CNTN5: variants seen among roughly 807,000 people sequenced by gnomAD.
The protein encoded by CNTN5 is contactin-5.
CNTN5 carries 77 observed loss-of-function variants against 129.1 expected under a neutral mutation model. That is an observed-to-expected ratio of 0.60 (90% CI 0.50 to 0.72). The LOEUF (loss-of-function observed/expected upper bound fraction) is 0.72. Among genes scored for constraint, CNTN5 ranks in the 30% least tolerant of loss-of-function variants. CNTN5 has a pLI of 0.00. For missense variants in CNTN5, 1,478 were observed against 1,328.8 expected (o/e 1.11, Z -1.75); for synonymous variants, 509 against 465.6 (o/e 1.09, Z -1.20).
At chr11:99,837,673 C>A (rs192366763) in intron 4 of CNTN5, among the ~76,000 whole-genome samples, 2 of 138,482 alleles carry the variant, frequency 1.4e-5, no homozygotes, top group East Asian at 4.1e-4. Flanking sequence ...CCAGTACTTG[C>A]CACACATGAG....
At chr11:99,727,988 C>G (rs1565466921) in intron 3 of CNTN5, among the ~76,000 whole-genome samples, 1 of 152,120 alleles carries the variant, frequency 6.6e-6, no homozygotes, top group East Asian at 1.9e-4. Flanking sequence ...TACTTAACCA[C>G]TATGGTAATT....
At chr11:99,748,236 C>A (rs1354154263) in intron 3 of CNTN5, among the ~76,000 whole-genome samples, 1 of 152,052 alleles carries the variant, frequency 6.6e-6, no homozygotes, top group African/African-American at 2.4e-5. Flanking sequence ...AGTTTGTAAG[C>A]ATTCCCTCCT....
chr11:100,051,304 A>C (rs1249153861), intron 9 of CNTN5, among the ~76,000 whole-genome samples: 1 of 152,124 alleles, frequency 6.6e-6, no homozygotes, highest in Non-Finnish European at 1.5e-5. Flanking sequence ...ATGCTCTCTA[A>C]TTGCAACAAA....
At chr11:100,110,977 G>C (rs1421851921) in intron 13 of CNTN5, among the ~76,000 whole-genome samples, 7 of 148,372 alleles carry the variant, frequency 4.7e-5, no homozygotes, top group Non-Finnish European at 1.0e-4. Flanking sequence ...TCCTTCACTA[G>C]AATATAGCTT....
chr11:100,087,542 A>G (rs1306473243), intron 13 of CNTN5, among the ~76,000 whole-genome samples: 1 of 151,964 alleles, frequency 6.6e-6, no homozygotes, highest in African/African-American at 2.4e-5. Context: ...CATAGATGAC[A>G]TTATATAATG....
At chr11:99,273,613 C>T (rs1412955654) in intron 1 of CNTN5, among the ~76,000 whole-genome samples, 2 of 151,632 alleles carry the variant, frequency 1.3e-5, no homozygotes, top group East Asian at 3.9e-4. Context: ...ATCTCTGTAT[C>T]TCGGCTGGTT....
At chr11:99,731,595 C>T (rs1943537320) in intron 3 of CNTN5, among the ~76,000 whole-genome samples, 1 of 152,074 alleles carries the variant, frequency 6.6e-6, no homozygotes, top group Non-Finnish European at 1.5e-5. Flanking sequence ...TTTTAACATA[C>T]AGAGTTGACT....
intron 3 of CNTN5, among the ~76,000 whole-genome samples, chr11:99,716,994 T>C (rs547269266): frequency 6.6e-6 from 1 of 152,232 alleles, no homozygotes; most frequent in African/African-American, 2.4e-5. Flanking sequence ...TCTTTCTTTC[T>C]TTTTTATTTA....
chr11:99,341,901 A>T (rs1866529622), intron 2 of CNTN5, among the ~76,000 whole-genome samples: 1 of 152,184 alleles, frequency 6.6e-6, no homozygotes, highest in Non-Finnish European at 1.5e-5. Flanking sequence ...GTACTGTGAG[A>T]GAACAAAAAT....
At chr11:99,190,018 AG>A (rs1419811553) in intron 1 of CNTN5, among the ~76,000 whole-genome samples, 2 of 151,546 alleles carry the variant, frequency 1.3e-5, no homozygotes, top group African/African-American at 4.8e-5. Flanking sequence ...GTATTTTTCT[AG>A]TAGTTTTATA....
At chr11:99,661,254 C>T (rs1036874042) in intron 3 of CNTN5, among the ~76,000 whole-genome samples, 2 of 152,100 alleles carry the variant, frequency 1.3e-5, no homozygotes, top group African/African-American at 4.8e-5. Context: ...ACAGAAAATT[C>T]TCCTAGACTG....
intron 3 of CNTN5, among the ~76,000 whole-genome samples, chr11:99,793,396 T>C (rs1945823954): frequency 1.0e-5 from 1 of 97,056 alleles, no homozygotes; most frequent in Admixed American, 1.0e-4. Context: ...AGCTTCTGGG[T>C]TTATTAATCT....
intron 7 of CNTN5, among the ~76,000 whole-genome samples, chr11:99,941,014 T>C (rs902675242): frequency 6.7e-4 from 102 of 152,084 alleles, no homozygotes; most frequent in African/African-American, 2.4e-3. Flanking sequence ...GGGAAAAACA[T>C]TGGGACATAG....
At chr11:99,877,234 C>T (rs1948657003) in intron 6 of CNTN5, among the ~76,000 whole-genome samples, 1 of 152,040 alleles carries the variant, frequency 6.6e-6, no homozygotes, top group African/African-American at 2.4e-5. Flanking sequence ...GAACATGCTC[C>T]AGTTTTATGA....
intron 3 of CNTN5, among the ~76,000 whole-genome samples, chr11:99,789,943 A>G (rs1420140385): frequency 1.3e-5 from 2 of 151,944 alleles, no homozygotes; most frequent in Admixed American, 1.3e-4. Flanking sequence ...TCTCTCCTTT[A>G]GTAATCTGAA....
At chr11:99,023,393 T>C (rs1453394604) in intron 1 of CNTN5, among the ~76,000 whole-genome samples, 2 of 152,176 alleles carry the variant, frequency 1.3e-5, no homozygotes, top group African/African-American at 4.8e-5. Flanking sequence ...AGGGTAGAGG[T>C]AGGAGTGTGA....
Position 99,771,280 on chromosome 11 carries a change from A to G in CNTN5, c.56-48264A>G, listed in dbSNP as rs1944936176. ...AAGACATAGCTATACTACTGTGTTC[A>G]TTGCAGCATCATTCACCATAGCAAA... On this transcript the variant is annotated intron_variant, in intron 3 of 24. Transcript: ENST00000524871. Among the ~76,000 whole-genome samples, 3 of 152,196 alleles carry G rather than the reference A, an allele frequency of 2.0e-5. No homozygotes were observed. The South Asian group carries it at 6.2e-4, about 32-fold the overall frequency.
intron 3 of CNTN5, among the ~76,000 whole-genome samples, chr11:99,698,727 A>G (rs1330262900): frequency 6.6e-6 from 1 of 151,478 alleles, no homozygotes; most frequent in Non-Finnish European, 1.5e-5. Context: ...TTAACTAAAT[A>G]CTTGTTACAT....
intron 8 of CNTN5, among the ~76,000 whole-genome samples, chr11:99,974,639 A>G (rs1937816303): frequency 6.6e-6 from 1 of 152,218 alleles, no homozygotes; most frequent in Non-Finnish European, 1.5e-5. Context: ...CAACCCACAT[A>G]AGTAAAATTG....
Sources: gnomAD v4.1 joint callset for allele counts (sites outside exome capture counted in the v4.1 genomes callset) on GRCh38, gnomAD v4.1.1 for gene constraint, MANE v1.5 for transcripts, NCBI Gene and HGNC (gene_info 2026-07-23, HGNC 2026-07-21) for gene names.